The following CUX1 variants were observed in gnomAD, a reference collection of about 807,000 sequenced individuals.
CUX1 encodes cut like homeobox 1.
Under a neutral mutation model 158.8 loss-of-function variants are expected in CUX1, and 31 were observed. That is an observed-to-expected ratio of 0.20 (90% CI 0.15 to 0.26). The LOEUF (loss-of-function observed/expected upper bound fraction) is 0.26. Ranked by LOEUF, CUX1 falls within the 10% of genes least tolerant of loss-of-function variation. The pLI, the probability that CUX1 is intolerant of heterozygous loss-of-function variation, is 1.00. For synonymous variants in CUX1, 879 were observed against 862.1 expected, an observed-to-expected ratio of 1.02 and a Z score of -0.34; for missense variants, 1,589 against 2,014.6, an observed-to-expected ratio of 0.79 and a Z score of 4.04.
At chr7:102,184,117 C>G (rs1356483926) in intron 11 of CUX1, among the ~76,000 whole-genome samples, 1 of 152,164 alleles carries the variant, frequency 6.6e-6, no homozygotes, top group Non-Finnish European at 1.5e-5. Flanking sequence ...AGGCTGGTGT[C>G]GAACTCCTGG....
intron 1 of CUX1, among the ~76,000 whole-genome samples, chr7:101,863,336 A>C (rs960063867): frequency 2.0e-5 from 3 of 150,596 alleles, no homozygotes; most frequent in African/African-American, 7.3e-5. Flanking sequence ...GTCTTTTGAG[A>C]GTTCTTTTTT....
At position 101,943,519 on chromosome 7, in the gene CUX1, C is replaced by T. The variant is rs534934420; in HGVS notation, c.141+27294C>T. Among the ~76,000 whole-genome samples the T allele has an allele frequency of 5.1e-4, 77 of 152,206 alleles. 1 individual carries two copies. The South Asian group carries it at 7.1e-3, about 14-fold the overall frequency. ...CTGACGTCAGTGCTACTTTCAGCGT[C>T]TTTGGTGCAGTCTTGGTGTTCGCTC... On this transcript the variant is annotated intron_variant, in intron 2 of 23. Transcript: ENST00000292535.
In CUX1 at chr7:102,250,604, C is replaced by T. The variant is rs1266249372; in HGVS notation, c.*1562C>T. On this transcript the variant is annotated 3_prime_UTR_variant, in exon 24 of 24. Transcript: ENST00000292535. Reference sequence around the variant, plus strand: ...CTGTAGAAATGGCCCAAACTCACACCAAAACGTGGATGCTCTTCAACTTCC... The same window carrying T: ...CTGTAGAAATGGCCCAAACTCACACTAAAACGTGGATGCTCTTCAACTTCC... The T allele has an allele frequency of 4.1e-6, 4 of 985,434 alleles. No homozygotes were observed. Among genetic ancestry groups the T allele is most frequent in the Non-Finnish European group, 4.8e-6 (4 of 829,936 alleles). 61.0% of individuals were successfully genotyped at this position (985,434 alleles called of 1,614,324 possible).
intron 3 of CUX1, among the ~76,000 whole-genome samples, chr7:102,034,751 C>A (rs867201944): frequency 4.7e-3 from 552 of 117,774 alleles, no homozygotes; most frequent in African/African-American, 4.9e-3. Context: ...GACTCCGTCT[C>A]AAAAAAAAAA....
At chr7:102,136,179 T>C (rs1462398430) in intron 8 of CUX1, among the ~76,000 whole-genome samples, 3 of 152,158 alleles carry the variant, frequency 2.0e-5, no homozygotes, top group Non-Finnish European at 2.9e-5. Context: ...TATAAATACA[T>C]ATAGCTCTGG....
chr7:101,935,687 G>T (rs111813729), intron 2 of CUX1, among the ~76,000 whole-genome samples: 1,599 of 152,314 alleles, frequency 0.01, 27 homozygotes, highest in African/African-American at 0.034. Flanking sequence ...TAGGAACCCG[G>T]ACCTGGTGTG....
At chr7:102,183,888 C>T (rs1793379718) in intron 11 of CUX1, among the ~76,000 whole-genome samples, 1 of 152,188 alleles carries the variant, frequency 6.6e-6, no homozygotes, top group African/African-American at 2.4e-5. Context: ...TTAGTCAGAC[C>T]TGCCAGAGGC....
intron 20 of CUX1, among the ~76,000 whole-genome samples, chr7:102,213,002 A>C (rs952118754): frequency 6.6e-6 from 1 of 152,052 alleles, no homozygotes; most frequent in Non-Finnish European, 1.5e-5. Context: ...GCACCACCAC[A>C]CCTGACTAAT....
intron 1 of CUX1, among the ~76,000 whole-genome samples, chr7:101,900,994 T>C (rs1049139907): frequency 6.6e-6 from 1 of 152,200 alleles, no homozygotes; most frequent in African/African-American, 2.4e-5. Flanking sequence ...GAGTATGTCT[T>C]GTTCTGTTTA....
At chr7:102,198,668 C>A (rs1795059337) in intron 15 of CUX1, 134 bp from the exon 16 acceptor site, 1 of 725,646 alleles carries the variant, frequency 1.4e-6, no homozygotes, top group Non-Finnish European at 2.4e-6. Context: ...ATTCTAGAAA[C>A]TCCCGAGTTG....
intron 7 of CUX1, among the ~76,000 whole-genome samples, chr7:102,114,517 T>C (rs1831247145): frequency 6.6e-6 from 1 of 152,194 alleles, no homozygotes; most frequent in Admixed American, 6.5e-5. Flanking sequence ...CCTCAGGTGA[T>C]CTGCCCGTGT....
In CUX1 at chr7:102,248,603, A is replaced by C; in HGVS notation, c.4079A>C (p.Glu1360Ala). ...ACCGAGGAGCCCAAGTCTCAGGGAG[A>C]GGCCGAGCGGGAGGAGGTGCCGCGG... ...ADTEEPKSQG[E>A]AEREEVPRPA... The change falls in exon 24 of 24, where the codon GAG becomes GCG. Residue 1360 changes from glutamate (E) to alanine (A), a missense_variant. By Grantham distance (107) the Glu-to-Ala change is moderately radical (BLOSUM62 -1). This residue lies in a region of CUX1 where 344 missense variants were observed against 323.7 expected (regional missense o/e 1.06). Coordinates refer to ENST00000292535, the MANE Select transcript of CUX1 (RefSeq NM_181552.4). This position sits in a 1 kb window ranked among gnomAD's most constrained non-coding sequence, Gnocchi z 5.8. The C allele has an allele frequency of 6.9e-7, 1 of 1,456,314 alleles. No homozygotes were observed. Among genetic ancestry groups the C allele is most frequent in the Non-Finnish European group, 9.0e-7 (1 of 1,109,102 alleles). The allele number at this position is 1,456,314 out of a possible 1,614,324, so 90.2% of individuals were successfully genotyped here.
At chr7:102,017,080 G>T (rs1818691815) in intron 2 of CUX1, among the ~76,000 whole-genome samples, 1 of 152,124 alleles carries the variant, frequency 6.6e-6, no homozygotes. Flanking sequence ...GAGGTGGGTA[G>T]ATCACCTGAG....
intron 3 of CUX1, among the ~76,000 whole-genome samples, chr7:102,031,339 A>G (rs1360130345): frequency 2.0e-5 from 3 of 152,184 alleles, no homozygotes; most frequent in Non-Finnish European, 4.4e-5. Flanking sequence ...CTGGGATTAC[A>G]GGCATGAGCC....
intron 2 of CUX1, among the ~76,000 whole-genome samples, chr7:101,919,563 AG>A (rs759940082): frequency 6.6e-6 from 1 of 152,190 alleles, no homozygotes; most frequent in Non-Finnish European, 1.5e-5. Context: ...TGGCAGAGCC[AG>A]GGCTGGTGGT....
intron 23 of CUX1, among the ~76,000 whole-genome samples, chr7:102,243,949 C>A (rs1448706703): frequency 6.6e-6 from 1 of 152,028 alleles, no homozygotes; most frequent in Non-Finnish European, 1.5e-5. Flanking sequence ...ATCTCTTGAA[C>A]TCCGGAGGCG....
intron 1 of CUX1, among the ~76,000 whole-genome samples, chr7:101,818,065 T>C (rs901049629): frequency 2.0e-5 from 3 of 152,236 alleles, no homozygotes; most frequent in African/African-American, 7.2e-5. Context: ...ATAGTCGTTA[T>C]GAAATTTCCT....
Position 102,255,389 on chromosome 7 carries a change from A to AG in CUX1, c.*6347_*6348insG. On this transcript the variant is annotated 3_prime_UTR_variant, in exon 24 of 24. Coordinates refer to ENST00000292535, the MANE Select transcript of CUX1 (RefSeq NM_181552.4). ...GGCATTGTAGGCGAAAAATCCCAAA[A>AG]AAAAAAAAAGACAAAAAAAAAAGGC... 1 of 983,698 alleles carries AG rather than the reference A, an allele frequency of 1.0e-6. No homozygotes were observed. The highest frequency in any genetic ancestry group is 4.7e-5 in the South Asian group (1 of 21,242). 60.9% of individuals were successfully genotyped at this position (983,698 alleles called of 1,614,324 possible).
intron 21 of CUX1, among the ~76,000 whole-genome samples, chr7:102,282,135 G>A (rs1156856708): frequency 1.3e-5 from 2 of 152,208 alleles, no homozygotes; most frequent in African/African-American, 4.8e-5. Flanking sequence ...CACCAGCCGG[G>A]CCGCTCCGTG....
Sources: gnomAD v4.1 joint callset for allele counts (sites outside exome capture counted in the v4.1 genomes callset) on GRCh38, gnomAD v4.1.1 for gene constraint, gnomAD v4.1.1 regional missense constraint, Gnocchi (gnomAD v3.1) non-coding constraint, MANE v1.5 for transcripts, NCBI Gene and HGNC (gene_info 2026-07-23, HGNC 2026-07-21) for gene names.